The following DNAJA3 variants were observed in gnomAD, a reference collection of about 807,000 sequenced individuals.
DNAJA3 encodes the protein dnaJ homolog subfamily A member 3, mitochondrial.
Under a neutral mutation model 54.9 loss-of-function variants are expected in DNAJA3, and 29 were observed. That is an observed-to-expected ratio of 0.53 (90% CI 0.39 to 0.72). The LOEUF is 0.72. Among genes scored for constraint, DNAJA3 ranks in the 30% least tolerant of loss-of-function variants. The pLI, the probability that DNAJA3 is intolerant of heterozygous loss-of-function variation, is 0.00. For synonymous variants in DNAJA3, 302 were observed against 251.4 expected (o/e 1.20, Z -1.90); for missense variants, 708 against 639.4 (o/e 1.11, Z -1.16).
intron 10 of DNAJA3, 151 bp from the exon 11 acceptor site, chr16:4,454,660 C>T (rs988497297): frequency 9.8e-6 from 6 of 612,124 alleles, no homozygotes; most frequent in Non-Finnish European, 1.7e-5. Context: ...CCTGTGCCAT[C>T]TTAGGAGTGG....
At chr16:4,442,752 C>G in intron 5 of DNAJA3, 1 of 563,158 alleles carries the variant, frequency 1.8e-6, no homozygotes, top group African/African-American at 1.9e-5. Flanking sequence ...CAGGAGTCTT[C>G]AGGTACTTCT....
At chr16:4,435,312 C>A (rs891637699) in intron 2 of DNAJA3, among the ~76,000 whole-genome samples, 1 of 151,840 alleles carries the variant, frequency 6.6e-6, no homozygotes, top group African/African-American at 2.4e-5. Flanking sequence ...GTTCCTAGAC[C>A]CTTGGTTTGC....
intron 8 of DNAJA3, among the ~76,000 whole-genome samples, chr16:4,448,347 A>T (rs1005765827): frequency 6.9e-6 from 1 of 143,928 alleles, no homozygotes; most frequent in African/African-American, 2.6e-5. Context: ...CACCCCCTCC[A>T]CCACCGCTCT....
Position 4,434,392 on chromosome 16 carries a change from C to T in DNAJA3, c.220C>T (p.His74Tyr), listed in dbSNP as rs746143433. ...TGTTTTTTCCTTTTTAGGAACAAAA[C>T]ATAACCCTTTCATTTGTACTGCCTC... ...RPGVSLTGTKHNPFICTASFH... is the reference protein window; with the variant it reads ...RPGVSLTGTKYNPFICTASFH... Residue 74 changes from histidine (H) to tyrosine (Y), a missense_variant, in exon 2 of 12, where the codon CAT becomes TAT. His to Tyr is a moderately conservative substitution (Grantham distance 83). Coordinates refer to ENST00000262375, the MANE Select transcript of DNAJA3 (RefSeq NM_005147.6). The T allele has an allele frequency of 1.2e-6, 2 of 1,611,958 alleles. No homozygotes were observed. The highest frequency in any genetic ancestry group is 8.5e-7 in the Non-Finnish European group (1 of 1,179,616).
chr16:4,444,528 G>C (rs1004318521), intron 6 of DNAJA3, 136 bp from the exon 7 acceptor site: 17 of 657,266 alleles, frequency 2.6e-5, no homozygotes, highest in Non-Finnish European at 4.0e-5. Context: ...TAGAGACCAG[G>C]TTTCACCATG....
chr16:4,450,540 G>C, intron 10 of DNAJA3, 43 bp downstream of exon 10: 1 of 1,481,522 alleles, frequency 6.7e-7, no homozygotes, highest in Non-Finnish European at 9.3e-7. Flanking sequence ...GGGGGCCTCA[G>C]AGCCCCCCAG....
Position 4,434,335 on chromosome 16 carries a change from T to G in DNAJA3, c.212-49T>G, listed in dbSNP as rs201344165. On this transcript the variant is annotated intron_variant, in intron 1 of 11. Transcript: ENST00000262375. ...GTGGGTCATGTACTCACAGTTTTCT[T>G]TTGTTGAGAACATTCCCAGAGTGAT... The G allele has an allele frequency of 9.9e-5, 158 of 1,596,472 alleles. 1 individual carries two copies. The African/African-American group carries it at 2.0e-3, about 20-fold the overall frequency.
Position 4,450,475 on chromosome 16 carries a change from C to T in DNAJA3, c.1317C>T (p.Asn439=), listed in dbSNP as rs758572971. The stretch of plus-strand genomic sequence containing the variant: ...AGACAGATGTGGAGGGGACGGTGAA[C>T]GGCGTCACCCTCACCAGCTCTGGTA... ...EDETDVEGTV[N]GVTLTSSGGS... The change falls in exon 10 of 12, where the codon AAC becomes AAT. Residue 439 remains asparagine (N), a synonymous_variant. Transcript: ENST00000262375. The T allele has an allele frequency of 8.8e-5, 141 of 1,610,166 alleles. No homozygotes were observed. The highest frequency in any genetic ancestry group is 7.4e-4 in the East Asian group (33 of 44,778).
Position 4,454,836 on chromosome 16 carries a change from A to G in DNAJA3, c.1365A>G (p.Ala455=). The change falls in exon 11 of 12, where the codon GCA becomes GCG. Residue 455 remains alanine, a synonymous_variant. Coordinates refer to ENST00000262375, the MANE Select transcript of DNAJA3 (RefSeq NM_005147.6). ...SSGGSTMDSS[A]GSKARREAGE... Reference sequence around the variant, plus strand: ...GTGGCAGCACCATGGATAGCTCCGCAGGAAGCAAGGCTAGGCGTGAGGCTG... The same window carrying G: ...GTGGCAGCACCATGGATAGCTCCGCGGGAAGCAAGGCTAGGCGTGAGGCTG... The G allele has an allele frequency of 1.2e-6, 2 of 1,614,068 alleles. No homozygotes were observed. The highest frequency in any genetic ancestry group is 2.2e-5 in the East Asian group (1 of 44,876).
intron 3 of DNAJA3, 199 bp downstream of exon 3, chr16:4,437,684 C>T: frequency 2.0e-6 from 1 of 499,032 alleles, no homozygotes; most frequent in Non-Finnish European, 3.5e-6. Context: ...GTAGTCCTAG[C>T]ACTTTGGGAA....
intron 9 of DNAJA3, 84 bp downstream of exon 9, chr16:4,448,932 T>C (rs2056941589): frequency 1.0e-6 from 1 of 1,003,242 alleles, no homozygotes; most frequent in African/African-American, 1.6e-5. Flanking sequence ...GGCAGGTTAC[T>C]GCTCCCTGTA....
At chr16:4,428,109 G>A (rs549319261) in intron 1 of DNAJA3, among the ~76,000 whole-genome samples, 79 of 133,630 alleles carry the variant, frequency 5.9e-4, no homozygotes, top group African/African-American at 2.1e-3. Flanking sequence ...CCGCCACCAC[G>A]CCCAGCTAAT....
In DNAJA3 at chr16:4,446,908, G is replaced by A. The variant is rs150596934; in HGVS notation, c.1019G>A (p.Arg340Gln). 930 of 1,614,078 alleles carry A rather than the reference G, an allele frequency of 5.8e-4. 12 individuals carry two copies. In the South Asian group the frequency reaches 7.9e-3, roughly 14 times the overall value. ...TAGGTGCAGAAAAGCCCTGTGTTCC[G>A]GAGGGACGGCGCAGACATCCACTCC... ...TFRVQKSPVF[R>Q]RDGADIHSDL... is the part of the protein sequence containing the mutation. Residue 340 changes from arginine to glutamine, a missense_variant, in exon 8 of 12, where the codon CGG (arginine) becomes CAG (glutamine). Arg to Gln is a conservative substitution (Grantham distance 43, BLOSUM62 1). Transcript: ENST00000262375.
chr16:4,448,625 T>G (rs2141391772), intron 8 of DNAJA3, 108 bp from the exon 9 acceptor site: 1 of 770,618 alleles, frequency 1.3e-6, no homozygotes, highest in Non-Finnish European at 2.2e-6. Context: ...CGTGAGCCAG[T>G]GGTAGTTCTT....
intron 10 of DNAJA3, 135 bp downstream of exon 10, chr16:4,450,632 G>T (rs1212978955): frequency 1.5e-4 from 103 of 667,666 alleles, no homozygotes; most frequent in Non-Finnish European, 7.4e-6. Context: ...GTTGAAAGAG[G>T]GGGGCTGTGG....
At position 4,428,013 on chromosome 16, in the gene DNAJA3, G is replaced by A. The variant is rs550927355; in HGVS notation, c.211+1921G>A. 1.1e-3 allele frequency among the ~76,000 whole-genome samples: 165 copies of A among 151,404 alleles called. 1 individual carries two copies. Among genetic ancestry groups the A allele is most frequent in the South Asian group, 4.0e-3 (19 of 4,782 alleles). On this transcript the variant is annotated intron_variant, in intron 1 of 11. Transcript: ENST00000262375. ...GTTGCCCAGGCTGGAGTGCAGTGGC[G>A]CTATCTCAGCTCACTGCAAGCTCCG... is the stretch of plus-strand genomic sequence containing the variant.
Position 4,425,974 on chromosome 16 carries a change from G to A in DNAJA3, c.93G>A (p.Arg31=). ...AISGRGARPP[R]EGVVGAWLSR... is the part of the protein sequence containing the mutation. ...CGGGTAGAGGGGCCCGGCCGCCCAG[G>A]GAGGGCGTGGTGGGGGCATGGCTGA... Residue 31 remains arginine (R), a synonymous_variant, in exon 1 of 12, where the codon AGG becomes AGA. Coordinates refer to ENST00000262375, the MANE Select transcript of DNAJA3 (RefSeq NM_005147.6). The A allele has an allele frequency of 6.3e-7, 1 of 1,592,670 alleles. No individual in the cohort carries two copies. Among genetic ancestry groups the A allele is most frequent in the Non-Finnish European group, 8.5e-7 (1 of 1,171,094 alleles).
rs2056845871 is a variant in DNAJA3, at chr16:4,442,311, A to G, written c.674A>G (p.Asn225Ser). ...TTCAATCAAGCTGCAAAGGGGGTCA[A>G]CAAGGAGTTCACCGTGAACATCATG... ...LTFNQAAKGV[N>S]KEFTVNIMDT... is the part of the protein sequence containing the mutation. The change falls in exon 5 of 12, where the codon AAC (asparagine) becomes AGC (serine). Residue 225 changes from asparagine (N) to serine (S), a missense_variant. Asn to Ser is a conservative substitution (Grantham distance 46). Coordinates refer to ENST00000262375, the MANE Select transcript of DNAJA3 (RefSeq NM_005147.6). 1.2e-6 allele frequency: 2 copies of G among 1,606,410 alleles called. No homozygotes were observed. Among genetic ancestry groups the G allele is most frequent in the Non-Finnish European group, 8.5e-7 (1 of 1,176,010 alleles).
Position 4,425,976 on chromosome 16 carries a change from A to AG in DNAJA3, c.98dup (p.Val34ArgfsTer42). ...GGTAGAGGGGCCCGGCCGCCCAGGG[A>AG]GGGCGTGGTGGGGGCATGGCTGAGC... is the stretch of plus-strand genomic sequence containing the variant. On this transcript the variant is annotated frameshift_variant, in exon 1 of 12. Coordinates refer to ENST00000262375, the MANE Select transcript of DNAJA3 (RefSeq NM_005147.6). LOFTEE classifies it high-confidence loss of function. 1.9e-6 allele frequency: 3 copies of AG among 1,593,716 alleles called. No individual in the cohort carries two copies. Among genetic ancestry groups the AG allele is most frequent in the Non-Finnish European group, 2.6e-6 (3 of 1,171,616 alleles).
Sources: gnomAD v4.1 joint callset for allele counts (sites outside exome capture counted in the v4.1 genomes callset) on GRCh38, gnomAD v4.1.1 for gene constraint, MANE v1.5 for transcripts, NCBI Gene and HGNC (gene_info 2026-07-23, HGNC 2026-07-21) for gene names.